CLTB: variants seen among roughly 807,000 people sequenced by gnomAD.
The protein encoded by CLTB is clathrin light chain B.
CLTB carries 10 observed loss-of-function variants against 30.5 expected under a neutral mutation model. The observed-to-expected ratio is 0.33, with a 90% CI of 0.20 to 0.56. CLTB has a LOEUF of 0.56. Ranked by LOEUF, CLTB falls within the 20% of genes least tolerant of loss-of-function variation. The pLI is 0.91. For synonymous variants in CLTB, 102 were observed against 120.3 expected, an observed-to-expected ratio of 0.85 and a Z score of 1.00; for missense variants, 261 against 308.3, an observed-to-expected ratio of 0.85 and a Z score of 1.15.
chr5:176,401,934 T>G, intron 2 of CLTB: 1 of 348,300 alleles, frequency 2.9e-6, no homozygotes. Flanking sequence ...CTCTGCTTCC[T>G]GCAGCCCCAT....
chr5:176,400,592 C>A (rs186741594), intron 2 of CLTB, among the ~76,000 whole-genome samples: 2 of 152,342 alleles, frequency 1.3e-5, no homozygotes, highest in Admixed American at 1.3e-4. Flanking sequence ...TCCAGCCACA[C>A]CCGCTCTGGC....
chr5:176,408,353 G>A (rs1757242854), intron 2 of CLTB, among the ~76,000 whole-genome samples: 1 of 151,866 alleles, frequency 6.6e-6, no homozygotes. Flanking sequence ...TGGCCAACAT[G>A]ATGAAACACC....
chr5:176,402,901 G>A (rs949285948), intron 2 of CLTB, among the ~76,000 whole-genome samples: 2 of 152,174 alleles, frequency 1.3e-5, no homozygotes, highest in Non-Finnish European at 2.9e-5. Context: ...GCCAGCACGT[G>A]TAAGAATCAC....
rs374168717 is a variant in CLTB, at chr5:176,416,244, G to C, written c.120C>G (p.Asn40Lys). 1 of 1,600,886 alleles carries C rather than the reference G, an allele frequency of 6.2e-7. No homozygotes were observed. Among genetic ancestry groups the C allele is most frequent in the Admixed American group, 1.7e-5 (1 of 59,234 alleles). ...CGGCAGGTGCCCCGAAGCCCTCGTC[G>C]TTCTCTATGCCTGCAATCTCGCTCT... ...QQESEIAGIE[N>K]DEGFGAPAGS... is the part of the protein sequence containing the mutation. Residue 40 changes from asparagine (N) to lysine (K), a missense_variant, in exon 1 of 6, where the codon AAC becomes AAG. Physicochemically the swap from Asn to Lys is moderately conservative, Grantham distance 94. Coordinates refer to ENST00000310418, the MANE Select transcript of CLTB (RefSeq NM_007097.5).
intron 2 of CLTB, 141 bp downstream of exon 2, chr5:176,410,115 AC>A (rs1412785595): frequency 1.4e-6 from 1 of 709,434 alleles, no homozygotes; most frequent in African/African-American, 1.8e-5. Flanking sequence ...AATTCCAAAA[AC>A]CTTTCTCTAT....
intron 1 of CLTB, among the ~76,000 whole-genome samples, chr5:176,412,377 G>A (rs59397245): frequency 1.0e-3 from 154 of 152,154 alleles, no homozygotes; most frequent in African/African-American, 3.0e-3. Context: ...CCCAGGGTCC[G>A]TGTGTACCCC....
intron 1 of CLTB, among the ~76,000 whole-genome samples, chr5:176,410,673 C>G (rs1757381275): frequency 6.6e-6 from 1 of 152,200 alleles, no homozygotes; most frequent in Non-Finnish European, 1.5e-5. Flanking sequence ...GCCAGATTAC[C>G]TGTGAAGCCT....
chr5:176,396,585 A>G (rs1278692119), intron 4 of CLTB, 53 bp from the exon 5 acceptor site: 11 of 1,313,102 alleles, frequency 8.4e-6, no homozygotes, highest in Non-Finnish European at 9.9e-6. Context: ...AGATGGCAAG[A>G]CAGACAGGCA....
At chr5:176,397,306 C>T (rs1163695643) in intron 4 of CLTB, among the ~76,000 whole-genome samples, 1 of 150,058 alleles carries the variant, frequency 6.7e-6, no homozygotes, top group African/African-American at 2.5e-5. Context: ...GTCCCCACAG[C>T]CCCTCTCATG....
chr5:176,409,599 A>G (rs1433275063), intron 2 of CLTB, among the ~76,000 whole-genome samples: 1 of 151,636 alleles, frequency 6.6e-6, no homozygotes, highest in African/African-American at 2.4e-5. Flanking sequence ...ATTTTTAGTA[A>G]AGACGGGGTT....
At chr5:176,394,357 C>T (rs530905477) in intron 5 of CLTB, among the ~76,000 whole-genome samples, 5 of 152,326 alleles carry the variant, frequency 3.3e-5, no homozygotes, top group Non-Finnish European at 7.4e-5. Flanking sequence ...TTCACGAGAC[C>T]CCCTGGTAAT....
chr5:176,396,687 C>A (rs1472243081), intron 4 of CLTB, among the ~76,000 whole-genome samples, 155 bp from the exon 5 acceptor site: 1 of 152,136 alleles, frequency 6.6e-6, no homozygotes, highest in Non-Finnish European at 1.5e-5. Context: ...TCAGCAACGA[C>A]CCACAGCCCC....
chr5:176,416,372 C>CGCCTCCGCCGGA lies in CLTB; in HGVS notation c.-21_-10dup, dbSNP rs554473826. On this transcript the variant is annotated 5_prime_UTR_variant, in exon 1 of 6. Transcript: ENST00000310418. ...CCAAAGTCATCAGCCATTTTCCCCGCGCCTCCGCCGGAGCCTCCGCTGCGC... is the reference window on the plus strand; with the variant it reads ...CCAAAGTCATCAGCCATTTTCCCCGCGCCTCCGCCGGAGCCTCCGCCGGAGCCTCCGCTGCGC... The CGCCTCCGCCGGA allele has an allele frequency of 2.1e-3, 3,378 of 1,585,866 alleles. 71 individuals are homozygous for CGCCTCCGCCGGA. The African/African-American group carries it at 0.042, about 20-fold the overall frequency.
At chr5:176,394,615 G>A (rs58339606) in intron 5 of CLTB, among the ~76,000 whole-genome samples, 77 of 151,576 alleles carry the variant, frequency 5.1e-4, no homozygotes, top group Admixed American at 4.1e-3. Flanking sequence ...CAGATGGAGA[G>A]CATCCTGGCT....
intron 1 of CLTB, among the ~76,000 whole-genome samples, chr5:176,412,454 T>C (rs561908211): frequency 6.1e-4 from 93 of 152,266 alleles, no homozygotes; most frequent in Middle Eastern, 6.8e-3. Flanking sequence ...GCAGTAACTA[T>C]TGGCTAAATG....
Position 176,395,347 on chromosome 5 carries a change from C to T in CLTB, c.518+1132G>A, listed in dbSNP as rs369130966. Reference sequence around the variant, plus strand: ...CTTCCACAAGGCCCTTATCATAACACACTCCAGACCATGAGCACGGTGAGG... The same window carrying T: ...CTTCCACAAGGCCCTTATCATAACATACTCCAGACCATGAGCACGGTGAGG... On this transcript the variant is annotated intron_variant, in intron 5 of 5. Coordinates refer to ENST00000310418, the MANE Select transcript of CLTB (RefSeq NM_007097.5). Among the ~76,000 whole-genome samples the T allele has an allele frequency of 9.7e-4, 148 of 152,314 alleles. 1 individual carries two copies. Among genetic ancestry groups the T allele is most frequent in the Middle Eastern group, 3.4e-3 (1 of 294 alleles).
intron 1 of CLTB, among the ~76,000 whole-genome samples, chr5:176,413,370 A>G (rs188917529): frequency 6.6e-6 from 1 of 152,372 alleles, no homozygotes; most frequent in East Asian, 1.9e-4. Context: ...AGTCAGAGCC[A>G]GGCCTGGTGC....
intron 1 of CLTB, among the ~76,000 whole-genome samples, chr5:176,410,636 A>T (rs1248249743): frequency 6.6e-6 from 1 of 152,108 alleles, no homozygotes; most frequent in Non-Finnish European, 1.5e-5. Flanking sequence ...ACCTGAAATC[A>T]CTGACCCCTG....
At chr5:176,411,972 CG>C (rs1757451842) in intron 1 of CLTB, among the ~76,000 whole-genome samples, 1 of 151,886 alleles carries the variant, frequency 6.6e-6, no homozygotes, top group East Asian at 1.9e-4. Context: ...GTCAGGAGAT[CG>C]AGACCATCCT....
Sources: gnomAD v4.1 joint callset for allele counts (sites outside exome capture counted in the v4.1 genomes callset) on GRCh38, gnomAD v4.1.1 for gene constraint, MANE v1.5 for transcripts, NCBI Gene and HGNC (gene_info 2026-07-23, HGNC 2026-07-21) for gene names.